Variants in MYBBP1A observed in about 807,000 individuals in gnomAD.
MYBBP1A encodes MYB binding protein 1a, also known as myb-binding protein 1A.
A neutral mutation model predicts 136.3 loss-of-function variants in MYBBP1A; 147 were observed. That is an observed-to-expected ratio of 1.08 (90% CI 0.94 to 1.24). The LOEUF (loss-of-function observed/expected upper bound fraction) is 1.24, where lower values mean the gene tolerates loss of function less well. MYBBP1A is among the 50% of genes most tolerant of loss of function. The pLI is 0.00. For synonymous variants in MYBBP1A, 947 were observed against 735.8 expected, an observed-to-expected ratio of 1.29 and a Z score of -4.65; for missense variants, 2,060 against 1,727.4, an observed-to-expected ratio of 1.19 and a Z score of -3.41.
At chr17:4,540,164 CG>C (rs1567602182) in intron 25 of MYBBP1A, among the ~76,000 whole-genome samples, 183 bp downstream of exon 25, 1 of 124,012 alleles carries the variant, frequency 8.1e-6, no homozygotes, top group East Asian at 2.1e-4. Flanking sequence ...GAGGCTCCTG[CG>C]AGGGTCCTGT....
Position 4,552,054 on chromosome 17 carries a change from C to T in MYBBP1A, c.906-57G>A. ...AGCCCTTGGTGCCCCTGGTGGGAACCTCAGGACTAGTGGCCTAGCCCACTT... is the reference window on the plus strand; with the variant it reads ...AGCCCTTGGTGCCCCTGGTGGGAACTTCAGGACTAGTGGCCTAGCCCACTT... On this transcript the variant is annotated intron_variant, in intron 7 of 25. Coordinates refer to ENST00000254718, the MANE Select transcript of MYBBP1A (RefSeq NM_014520.4). This position sits in a 1 kb window ranked among gnomAD's most constrained non-coding sequence, Gnocchi z 4.7. 5 of 1,596,450 alleles carry T rather than the reference C, an allele frequency of 3.1e-6. No individual in the cohort carries two copies. In the South Asian group the frequency reaches 5.7e-5, roughly 18 times the overall value.
rs547679151 is a variant in MYBBP1A at position 4,540,207 on chromosome 17, C to T, written c.3434+141G>A. ...CCTACAGCTCCCACATCTGAGAATG[C>T]GCTTGAGTGCATGTGTGTGCAGCAG... On this transcript the variant is annotated intron_variant, in intron 25 of 25. Coordinates refer to ENST00000254718, the MANE Select transcript of MYBBP1A (RefSeq NM_014520.4). 1.7e-4 allele frequency: 213 copies of T among 1,287,908 alleles called. 2 individuals are homozygous for T. In the South Asian group the frequency reaches 2.5e-3, roughly 15 times the overall value. 79.8% of individuals were successfully genotyped at this position (1,287,908 alleles called of 1,614,324 possible).
chr17:4,540,221 TGTGTGCAGCAGCATGC>T, intron 25 of MYBBP1A, 111 bp downstream of exon 25: 2 of 1,318,958 alleles, frequency 1.5e-6, no homozygotes, highest in East Asian at 2.4e-5. Context: ...TGAGTGCATG[TGTGTGCAGCAGCATGC>T]GTGTGCAGTG....
chr17:4,555,125 AC>A lies in MYBBP1A; in HGVS notation c.198+1del. On this transcript the variant is annotated splice_donor_variant, in intron 1 of 25. Coordinates refer to ENST00000254718, the MANE Select transcript of MYBBP1A (RefSeq NM_014520.4). LOFTEE classifies it high-confidence loss of function. Reference sequence around the variant, plus strand: ...CCTCTGCCCCAGACCCCGCCACTCCACCTTCGGCCTGCCACGCAGATACTCC... The same window carrying A: ...CCTCTGCCCCAGACCCCGCCACTCCACTTCGGCCTGCCACGCAGATACTCC... 1 of 1,584,290 alleles carries A rather than the reference AC, an allele frequency of 6.3e-7. No homozygotes were observed. The highest frequency in any genetic ancestry group is 8.6e-7 in the Non-Finnish European group (1 of 1,165,206).
rs756173574 is a variant in MYBBP1A at position 4,538,958 on chromosome 17, G to C, written c.*457C>G. 4 of 786,630 alleles carry C rather than the reference G, an allele frequency of 5.1e-6. No homozygotes were observed. Among genetic ancestry groups the C allele is most frequent in the Non-Finnish European group, 7.1e-6 (3 of 423,194 alleles). 48.7% of individuals were successfully genotyped at this position (786,630 alleles called of 1,614,324 possible). ...TGCTCCTTTATTTTTTAGAGCTGCT[G>C]ATTGTGAATCTCAGAGTCTTAAGAG... On this transcript the variant is annotated 3_prime_UTR_variant, in exon 26 of 26. Transcript: ENST00000254718.
In MYBBP1A at chr17:4,544,558, C is replaced by T. The variant is rs753292346; in HGVS notation, c.2570G>A (p.Arg857Gln). The change falls in exon 19 of 26, where the codon CGG (arginine) becomes CAG (glutamine). Residue 857 changes from arginine (R) to glutamine (Q), a missense_variant. By Grantham distance (43) the Arg-to-Gln change is conservative. Coordinates refer to ENST00000254718, the MANE Select transcript of MYBBP1A (RefSeq NM_014520.4). ...GGAGCTGCTGCTGCGCAGGCTGCGC[C>T]GGATGATGCTCAGCAGCGGCTCCAG... is the stretch of plus-strand genomic sequence containing the variant. The part of the protein sequence containing the change: ...ELLEPLLSII[R>Q]RSLRSSSSKQ... 7.0e-6 allele frequency: 11 copies of T among 1,565,646 alleles called. No homozygotes were observed. The highest frequency in any genetic ancestry group is 5.4e-5 in the African/African-American group (4 of 73,712).
At chr17:4,550,738 C>T (rs1265136026) in intron 8 of MYBBP1A, among the ~76,000 whole-genome samples, 3 of 152,272 alleles carry the variant, frequency 2.0e-5, no homozygotes, top group Non-Finnish European at 4.4e-5. Flanking sequence ...CGAGACTGAC[C>T]TGGGTTCAAA....
At chr17:4,553,377 T>C (rs1474227765) in intron 5 of MYBBP1A, among the ~76,000 whole-genome samples, 2 of 152,190 alleles carry the variant, frequency 1.3e-5, no homozygotes. Flanking sequence ...AGGATAACAA[T>C]GGCAAACGTT....
chr17:4,553,730 G>T, intron 5 of MYBBP1A, 80 bp downstream of exon 5: 1 of 1,063,854 alleles, frequency 9.4e-7, no homozygotes, highest in Non-Finnish European at 1.4e-6. Context: ...GAACAGTGCT[G>T]TTCCAGATTC....
intron 13 of MYBBP1A, among the ~76,000 whole-genome samples, chr17:4,547,112 T>G (rs2144470354): frequency 6.6e-6 from 1 of 152,264 alleles, no homozygotes; most frequent in Non-Finnish European, 1.5e-5. Context: ...GGTTTCACTC[T>G]GTTGGCCAGG....
rs753105459 is a variant in MYBBP1A at position 4,542,740 on chromosome 17, G to A, written c.2894C>T (p.Ala965Val). 2 of 1,613,802 alleles carry A rather than the reference G, an allele frequency of 1.2e-6. No homozygotes were observed. Among genetic ancestry groups the A allele is most frequent in the African/African-American group, 2.7e-5 (2 of 74,934 alleles). Residue 965 changes from alanine to valine, a missense_variant and splice_region_variant, in exon 21 of 26, where the codon GCT (alanine) becomes GTT (valine). Transcript: ENST00000254718. ...CAGGTTCAAGTCCAAGCAGCTGGCA[G>A]CCTAGGCCAGGGGAGAGCGAGCTGG... is the stretch of plus-strand genomic sequence containing the variant. ...DPSHMPTGPQ[A>V]ASCLDLNLVT...
chr17:4,551,874 AC>A lies in MYBBP1A; in HGVS notation c.1023+5del. On this transcript the variant is annotated splice_donor_5th_base_variant and intron_variant, in intron 8 of 25. Transcript: ENST00000254718. The stretch of plus-strand genomic sequence containing the variant: ...GGCAGTGTCGAGCTGCACGGGCATT[AC>A]CCACCTTAGCAGTGCACACGTGCTC... The A allele has an allele frequency of 6.2e-7, 1 of 1,611,268 alleles. No homozygotes were observed. The highest frequency in any genetic ancestry group is 8.5e-7 in the Non-Finnish European group (1 of 1,178,358).
At position 4,545,188 on chromosome 17, in the gene MYBBP1A, G is replaced by C. The variant is rs776510993; in HGVS notation, c.2161-13C>G. On this transcript the variant is annotated splice_polypyrimidine_tract_variant and intron_variant, in intron 16 of 25. Coordinates refer to ENST00000254718, the MANE Select transcript of MYBBP1A (RefSeq NM_014520.4). ...CCTCGCTCTTGTCCTGTGTGGTAGA[G>C]GCAGGCGCGTCACACACCTCCCCGA... 8 of 1,613,238 alleles carry C rather than the reference G, an allele frequency of 5.0e-6. No individual in the cohort carries two copies. The South Asian group carries it at 8.8e-5, about 18-fold the overall frequency.
Position 4,552,540 on chromosome 17 carries a change from C to T in MYBBP1A, c.648G>A (p.Glu216=). 6.2e-7 allele frequency: 1 copy of T among 1,614,076 alleles called. No individual in the cohort carries two copies. Among genetic ancestry groups the T allele is most frequent in the South Asian group, 1.1e-5 (1 of 91,082 alleles). Residue 216 remains glutamate, a synonymous_variant, in exon 6 of 26, where the codon GAG becomes GAA. Transcript: ENST00000254718. This position sits in a 1 kb window ranked among gnomAD's most constrained non-coding sequence, Gnocchi z 4.7. Reference sequence around the variant, plus strand: ...CCTTCTGCTGGGCCAGGAGGAAGAGCTCTAGCTGTTCAGGGGAGCTGAGTA... The same window carrying T: ...CCTTCTGCTGGGCCAGGAGGAAGAGTTCTAGCTGTTCAGGGGAGCTGAGTA... ...NIILSSPEQL[E]LFLLAQQKVP...
intron 17 of MYBBP1A, 26 bp downstream of exon 17, chr17:4,545,000 C>A: frequency 8.9e-7 from 1 of 1,120,260 alleles, no homozygotes. Flanking sequence ...TCCCCGGCCG[C>A]CCCCCCCTCC....
chr17:4,553,221 G>T (rs1244517178), intron 5 of MYBBP1A, among the ~76,000 whole-genome samples: 1 of 152,170 alleles, frequency 6.6e-6, no homozygotes, highest in East Asian at 1.9e-4. Flanking sequence ...TCGAATTCAG[G>T]TCCTTCTGGC....
intron 13 of MYBBP1A, among the ~76,000 whole-genome samples, chr17:4,547,463 C>T (rs551004839): frequency 1.3e-5 from 2 of 152,164 alleles, no homozygotes; most frequent in Non-Finnish European, 2.9e-5. Context: ...AGTGGCCAGA[C>T]GGGAGCAAGC....
At position 4,555,344 on chromosome 17, in the gene MYBBP1A, A is replaced by G. The variant is rs769467132; in HGVS notation, c.-20T>C. 2.3e-5 allele frequency: 37 copies of G among 1,582,254 alleles called. 1 individual carries two copies. Among genetic ancestry groups the G allele is most frequent in the Non-Finnish European group, 3.4e-6 (4 of 1,165,618 alleles). ...CTCCATCTCCGCCACACTCACCGAA[A>G]CACGAAACACGTGTGCTCCGGCCCC... On this transcript the variant is annotated 5_prime_UTR_variant, in exon 1 of 26. Transcript: ENST00000254718.
chr17:4,544,997 C>CCG, intron 17 of MYBBP1A, 29 bp downstream of exon 17: 2 of 973,796 alleles, frequency 2.1e-6, no homozygotes, highest in Non-Finnish European at 2.9e-6. Context: ...CCCTCCCCGG[C>CCG]CGCCCCCCCC....
Sources: allele counts gnomAD v4.1 joint callset (sites outside exome capture counted in the v4.1 genomes callset), GRCh38; gene constraint gnomAD v4.1.1; non-coding constraint Gnocchi (gnomAD v3.1); transcripts MANE v1.5; gene names NCBI Gene and HGNC (gene_info 2026-07-23, HGNC 2026-07-21).